The following MTMR1 variants were observed in gnomAD, a reference collection of about 807,000 sequenced individuals.
MTMR1 encodes the protein myotubularin related protein 1, also known as phosphatidylinositol-3-phosphate phosphatase MTMR1.
Under a neutral mutation model 51.6 loss-of-function variants are expected in MTMR1, and 17 were observed. The observed-to-expected ratio is 0.33, with a 90% CI of 0.23 to 0.49. MTMR1 has a LOEUF of 0.49. Among genes scored for constraint, MTMR1 ranks in the 20% least tolerant of loss-of-function variants. The pLI is 0.99. For missense variants in MTMR1, 386 were observed against 526.9 expected, an observed-to-expected ratio of 0.73 and a Z score of 2.62; for synonymous variants, 201 against 205.6, an observed-to-expected ratio of 0.98 and a Z score of 0.19.
At chrX:150,701,647 G>C (rs1271727563) in intron 2 of MTMR1, among the ~76,000 whole-genome samples, 1 of 111,451 alleles carries the variant, frequency 9.0e-6, no homozygotes, top group Non-Finnish European at 1.9e-5. Context: ...ACAGGCTCTG[G>C]GGTTTTGTAA....
At chrX:150,731,661 C>A in intron 9 of MTMR1, 42 bp downstream of exon 9, 3 of 1,072,285 alleles carry the variant, frequency 2.8e-6, no homozygotes, top group Non-Finnish European at 3.7e-6. Flanking sequence ...ATATATATTG[C>A]GTTAGATCTA....
At chrX:150,731,944 A>C (rs967684977) in intron 9 of MTMR1, among the ~76,000 whole-genome samples, 1 of 111,967 alleles carries the variant, frequency 8.9e-6, no homozygotes, top group African/African-American at 3.3e-5. Context: ...GGTTTCACTG[A>C]ATCATCCTAG....
intron 15 of MTMR1, among the ~76,000 whole-genome samples, chrX:150,760,016 G>A (rs1260552598): frequency 1.8e-5 from 2 of 109,560 alleles, no homozygotes; most frequent in Non-Finnish European, 3.9e-5. Context: ...ACCTCACAGG[G>A]GGTTGCTGAG....
At position 150,693,540 on chromosome X, in the gene MTMR1, C is replaced by CCGG. The variant is rs782326539; in HGVS notation, c.29_31dup (p.Ala10dup). ...CAGGACTCGGCGCGCCATGGACAGG[C>CCGG]CGGCGGCGGCGGCGGCGGCGGGCTG... is the stretch of plus-strand genomic sequence containing the variant. On this transcript the variant is annotated inframe_insertion, in exon 1 of 16. Coordinates refer to ENST00000445323, the MANE Select transcript of MTMR1 (RefSeq NM_001306144.3). The CCGG allele has an allele frequency of 5.9e-4, 447 of 757,364 alleles. 1 individual carries two copies. The highest frequency in any genetic ancestry group is 5.6e-3 in the African/African-American group (242 of 43,107). The allele number at this position is 757,364 out of a possible 1,213,427, so 62.4% of individuals were successfully genotyped here.
chrX:150,707,732 A>C (rs190718248), intron 2 of MTMR1, among the ~76,000 whole-genome samples: 159 of 112,467 alleles, frequency 1.4e-3, no homozygotes, highest in African/African-American at 5.0e-3. Flanking sequence ...CATTTGTCCA[A>C]GAGAAATTAA....
chrX:150,722,489 G>A (rs2041782430), intron 4 of MTMR1, among the ~76,000 whole-genome samples: 1 of 111,694 alleles, frequency 9.0e-6, no homozygotes, highest in Non-Finnish European at 1.9e-5. Context: ...TTTATTCTTG[G>A]TAATATTCTT....
chrX:150,755,207 C>G (rs2042870673), intron 14 of MTMR1, among the ~76,000 whole-genome samples: 1 of 110,743 alleles, frequency 9.0e-6, no homozygotes, highest in Non-Finnish European at 1.9e-5. Context: ...CTTGGCTAAT[C>G]TTTAAATTTA....
intron 15 of MTMR1, among the ~76,000 whole-genome samples, chrX:150,759,333 G>A (rs2043007895): frequency 8.9e-6 from 1 of 112,268 alleles, no homozygotes; most frequent in African/African-American, 3.2e-5. Context: ...GCTACAGAGT[G>A]TCAGAAGTCA....
chrX:150,710,475 C>T (rs1416248461), intron 2 of MTMR1, among the ~76,000 whole-genome samples: 2 of 111,201 alleles, frequency 1.8e-5, no homozygotes, highest in African/African-American at 6.6e-5. Context: ...ATTTTCCTGC[C>T]TCAGCCTCCC....
At chrX:150,724,668 A>G (rs782034493) in intron 4 of MTMR1, among the ~76,000 whole-genome samples, 46 of 111,990 alleles carry the variant, frequency 4.1e-4, no homozygotes, top group African/African-American at 1.4e-3. Flanking sequence ...GCCAGTTCCT[A>G]TGTCCAGAAT....
chrX:150,744,180 A>G (rs1456743155), intron 12 of MTMR1, among the ~76,000 whole-genome samples, 181 bp from the exon 13 acceptor site: 2 of 112,313 alleles, frequency 1.8e-5, no homozygotes, highest in Non-Finnish European at 3.8e-5. Flanking sequence ...GTAAACTGAA[A>G]TTTTGTTTTC....
intron 2 of MTMR1, among the ~76,000 whole-genome samples, chrX:150,706,947 T>G (rs1362445757): frequency 9.1e-6 from 1 of 110,189 alleles, no homozygotes. Flanking sequence ...CACAGAAATA[T>G]GCTCAGCCGA....
intron 2 of MTMR1, among the ~76,000 whole-genome samples, chrX:150,708,565 A>C (rs1303434516): frequency 1.8e-5 from 2 of 111,549 alleles, no homozygotes; most frequent in African/African-American, 6.5e-5. Flanking sequence ...TCTTATAATA[A>C]ATTTAGTTAA....
chrX:150,727,333 A>C, intron 5 of MTMR1, 24 bp downstream of exon 5: 1 of 1,122,276 alleles, frequency 8.9e-7, no homozygotes, highest in Non-Finnish European at 1.2e-6. Context: ...AGTGTGTTTT[A>C]TTTTAAAAGA....
chrX:150,736,451 A>G (rs1318246786), intron 10 of MTMR1, 144 bp from the exon 11 acceptor site: 3 of 474,800 alleles, frequency 6.3e-6, no homozygotes, highest in Non-Finnish European at 1.0e-5. Context: ...TTTTTCCAGC[A>G]GCCCTAGGAA....
chrX:150,750,143 G>C (rs1557417552), intron 13 of MTMR1, among the ~76,000 whole-genome samples: 1 of 111,147 alleles, frequency 9.0e-6, no homozygotes, highest in East Asian at 2.8e-4. Flanking sequence ...AAAATTCAGG[G>C]GTGTATGGTC....
At position 150,730,205 on chromosome X, in the gene MTMR1, G is replaced by A. The variant is rs782117264; in HGVS notation, c.652G>A (p.Gly218Arg). 9 of 1,176,709 alleles carry A rather than the reference G, an allele frequency of 7.6e-6. No individual in the cohort carries two copies. Among genetic ancestry groups the A allele is most frequent in the African/African-American group, 3.6e-5 (2 of 55,922 alleles). The change falls in exon 7 of 16, where the codon GGA (glycine) becomes AGA (arginine). Residue 218 changes from glycine to arginine, a missense_variant. Coordinates refer to ENST00000445323, the MANE Select transcript of MTMR1 (RefSeq NM_001306144.3). Reference protein sequence around the residue: ...LNKHAFPLSNGQALFAFSYKE... With the variant: ...LNKHAFPLSNRQALFAFSYKE... ...CAAACATGCATTTCCTCTTTCTAACGGACAGGTAAATACACCAGAGTAAAC... is the reference window on the plus strand; with the variant it reads ...CAAACATGCATTTCCTCTTTCTAACAGACAGGTAAATACACCAGAGTAAAC...
chrX:150,727,768 T>C lies in MTMR1; in HGVS notation c.532T>C (p.Cys178Arg). 8.3e-7 allele frequency: 1 copy of C among 1,208,320 alleles called. No homozygotes were observed. Among genetic ancestry groups the C allele is most frequent in the Middle Eastern group, 2.3e-4 (1 of 4,346 alleles). The change falls in exon 6 of 16, where the codon TGT (cysteine) becomes CGT (arginine). Residue 178 changes from cysteine to arginine, a missense_variant. Cys to Arg is a radical substitution (Grantham distance 180, BLOSUM62 -3). Transcript: ENST00000445323. ...AGCACAGAGCCATGGAGACAATTCC[T>C]GTGGTATAGAGATAGTGTGCAAGGT... is the stretch of plus-strand genomic sequence containing the variant. Reference protein sequence around the residue: ...IGAQSHGDNSCGIEIVCKDMR... With the variant: ...IGAQSHGDNSRGIEIVCKDMR...
chrX:150,756,774 C>A (rs781961703), intron 15 of MTMR1, among the ~76,000 whole-genome samples: 4 of 112,171 alleles, frequency 3.6e-5, no homozygotes, highest in Non-Finnish European at 5.6e-5. Context: ...CTCTGGCCTC[C>A]CAAGTAGCTG....
Sources: gnomAD v4.1 joint callset for allele counts (sites outside exome capture counted in the v4.1 genomes callset) on GRCh38, gnomAD v4.1.1 for gene constraint, MANE v1.5 for transcripts, NCBI Gene and HGNC (gene_info 2026-07-23, HGNC 2026-07-21) for gene names.